AAMP: variants seen among roughly 807,000 people sequenced by gnomAD.
AAMP encodes angio-associated migratory cell protein.
Under a neutral mutation model 51.1 loss-of-function variants are expected in AAMP, and 12 were observed. The ratio of observed to expected loss-of-function variants is 0.23; its 90% CI spans 0.15 to 0.38. The LOEUF (loss-of-function observed/expected upper bound fraction) is 0.38. Ranked by LOEUF, AAMP falls within the 10% of genes least tolerant of loss-of-function variation. The probability of loss-of-function intolerance (pLI) is 1.00; values close to 1 mark genes in which losing one functional copy is unlikely to be tolerated. For synonymous variants in AAMP, 210 were observed against 218.7 expected (o/e 0.96, Z 0.35); for missense variants, 418 against 557.2 (o/e 0.75, Z 2.52).
rs1341812815 is a variant in AAMP, at chr2:218,264,330, G to C, written c.*203C>G. ...ACCCCTCCCTCTGAAGGGCCCACCA[G>C]GTCTGGACAAGGGTGGGAGGGCCCT... On this transcript the variant is annotated 3_prime_UTR_variant, in exon 11 of 11. Coordinates refer to ENST00000248450, the MANE Select transcript of AAMP (RefSeq NM_001087.5). 6 of 585,118 alleles carry C rather than the reference G, an allele frequency of 1.0e-5. No individual in the cohort carries two copies. In the Admixed American group the frequency reaches 1.2e-4, roughly 12 times the overall value. 36.2% of individuals were successfully genotyped at this position (585,118 alleles called of 1,614,324 possible).
chr2:218,265,296 G>T lies in AAMP; in HGVS notation c.1074+75C>A. ...CCAGGCAGGAGCCAGATCTGGGGTA[G>T]ATGCTCCTGGAGGCCTGGGCTTCCC... is the stretch of plus-strand genomic sequence containing the variant. On this transcript the variant is annotated intron_variant, in intron 9 of 10. Coordinates refer to ENST00000248450, the MANE Select transcript of AAMP (RefSeq NM_001087.5). This position sits in a 1 kb window ranked among gnomAD's most constrained non-coding sequence, Gnocchi z 6.6. 1 of 1,536,356 alleles carries T rather than the reference G, an allele frequency of 6.5e-7. No individual in the cohort carries two copies. Among genetic ancestry groups the T allele is most frequent in the Non-Finnish European group, 8.8e-7 (1 of 1,131,644 alleles).
At chr2:218,269,594 A>C in intron 1 of AAMP, 60 bp from the exon 2 acceptor site, 1 of 1,612,874 alleles carries the variant, frequency 6.2e-7, no homozygotes, top group African/African-American at 1.3e-5. Flanking sequence ...TACGGAGAGA[A>C]GCATGAGGAG....
chr2:218,265,600 T>C lies in AAMP; in HGVS notation c.962A>G (p.Glu321Gly). 1 of 1,613,672 alleles carries C rather than the reference T, an allele frequency of 6.2e-7. No individual in the cohort carries two copies. Residue 321 changes from glutamate to glycine, a missense_variant, in exon 8 of 11, where the codon GAG (glutamate) becomes GGG (glycine). Coordinates refer to ENST00000248450, the MANE Select transcript of AAMP (RefSeq NM_001087.5). This position sits in a 1 kb window ranked among gnomAD's most constrained non-coding sequence, Gnocchi z 6.6. Reference protein sequence around the residue: ...EGEESESNSVESLGFCSVMPL... With the variant: ...EGEESESNSVGSLGFCSVMPL... Reference sequence around the variant, plus strand: ...TCACACACTGCAGAAGCCCAAGGACTCCACCGAGTTGGACTCACTCTCCTC... The same window carrying C: ...TCACACACTGCAGAAGCCCAAGGACCCCACCGAGTTGGACTCACTCTCCTC...
Position 218,270,054 on chromosome 2 carries a change from A to T in AAMP, c.33T>A (p.Ala11=). MESESESGAA[A]DTPPLETLSF... ...TTAGGGTCTCCAGTGGGGGGGTGTC[A>T]GCAGCAGCCCCGCTTTCCGATTCGG... Residue 11 remains alanine, a synonymous_variant, in exon 1 of 11, where the codon GCT becomes GCA. Coordinates refer to ENST00000248450, the MANE Select transcript of AAMP (RefSeq NM_001087.5). 2 of 1,614,080 alleles carry T rather than the reference A, an allele frequency of 1.2e-6. No individual in the cohort carries two copies. The highest frequency in any genetic ancestry group is 1.7e-6 in the Non-Finnish European group (2 of 1,179,994).
At chr2:218,269,731 G>A in intron 1 of AAMP, 197 bp from the exon 2 acceptor site, 1 of 1,057,418 alleles carries the variant, frequency 9.5e-7, no homozygotes, top group Non-Finnish European at 1.4e-6. Flanking sequence ...GTAAGGGAGG[G>A]CCAAGGGGAT....
Position 218,269,442 on chromosome 2 carries a change from C to G in AAMP, c.214G>C (p.Gly72Arg), listed in dbSNP as rs1239755989. 2 of 1,614,228 alleles carry G rather than the reference C, an allele frequency of 1.2e-6. No homozygotes were observed. Among genetic ancestry groups the G allele is most frequent in the Non-Finnish European group, 1.7e-6 (2 of 1,180,046 alleles). Residue 72 changes from glycine (G) to arginine (R), a missense_variant, in exon 2 of 11, where the codon GGG (glycine) becomes CGG (arginine). Physicochemically the swap from Gly to Arg is moderately radical, Grantham distance 125 (BLOSUM62 -2). Transcript: ENST00000248450. ...EEGWVLEPQE[G>R]VVGSMEGPDD... is the part of the protein sequence containing the mutation. ...GGGCCCTCCATGCTGCCGACCACCC[C>G]TTCCTGGGGTTCTAGAACCCAGCCC...
Position 218,270,106 on chromosome 2 carries a change from C to T in AAMP, c.-20G>A, listed in dbSNP as rs1431241508. The T allele has an allele frequency of 6.2e-7, 1 of 1,613,082 alleles. No homozygotes were observed. ...CTCCATGCGGCGCAAGCGGCGGATC[C>T]ACTTCTCTGGGCCCAAACGCCTCCC... On this transcript the variant is annotated 5_prime_UTR_variant, in exon 1 of 11. Transcript: ENST00000248450.
chr2:218,270,118 C>T lies in AAMP; in HGVS notation c.-32G>A. The T allele has an allele frequency of 6.2e-7, 1 of 1,610,886 alleles. No individual in the cohort carries two copies. The highest frequency in any genetic ancestry group is 8.5e-7 in the Non-Finnish European group (1 of 1,178,372). On this transcript the variant is annotated 5_prime_UTR_variant, in exon 1 of 11. Transcript: ENST00000248450. ...CAAGCGGCGGATCCACTTCTCTGGG[C>T]CCAAACGCCTCCCAGAGTCAGCTCT...
rs1332130201 is a variant in AAMP at position 218,267,094 on chromosome 2, G to A, written c.395-108C>T. 9 of 1,341,400 alleles carry A rather than the reference G, an allele frequency of 6.7e-6. No homozygotes were observed. The Admixed American group carries it at 1.2e-4, about 18-fold the overall frequency. 83.1% of individuals were successfully genotyped at this position (1,341,400 alleles called of 1,614,324 possible). A position where few individuals can be genotyped will look rare whatever the true frequency, so the allele number is the denominator to read the frequency against. On this transcript the variant is annotated intron_variant, in intron 3 of 10. Coordinates refer to ENST00000248450, the MANE Select transcript of AAMP (RefSeq NM_001087.5). This position sits in a 1 kb window ranked among gnomAD's most constrained non-coding sequence, Gnocchi z 4.6. ...CTGAAAGGACCAGCTAGGAAAAAAA[G>A]AGGGGCGGGACTGAGCAGAACAGGT...
Position 218,267,096 on chromosome 2 carries a change from G to C in AAMP, c.395-110C>G. 1 of 1,314,670 alleles carries C rather than the reference G, an allele frequency of 7.6e-7. No individual in the cohort carries two copies. The highest frequency in any genetic ancestry group is 1.5e-5 in the African/African-American group (1 of 68,268). The allele number at this position is 1,314,670 out of a possible 1,614,324, so 81.4% of individuals were successfully genotyped here. ...GAAAGGACCAGCTAGGAAAAAAAGA[G>C]GGGCGGGACTGAGCAGAACAGGTGC... On this transcript the variant is annotated intron_variant, in intron 3 of 10. Coordinates refer to ENST00000248450, the MANE Select transcript of AAMP (RefSeq NM_001087.5). This position sits in a 1 kb window ranked among gnomAD's most constrained non-coding sequence, Gnocchi z 4.6.
chr2:218,268,727 C>A (rs1008906856), intron 2 of AAMP, among the ~76,000 whole-genome samples: 11 of 134,750 alleles, frequency 8.2e-5, no homozygotes, highest in Non-Finnish European at 1.5e-4. Flanking sequence ...GAGACAGACT[C>A]TCATTCTGTT....
Position 218,264,372 on chromosome 2 carries a change from GAGA to G in AAMP, c.*158_*160del. 2 of 711,346 alleles carry G rather than the reference GAGA, an allele frequency of 2.8e-6. No homozygotes were observed. Among genetic ancestry groups the G allele is most frequent in the Non-Finnish European group, 4.9e-6 (2 of 411,560 alleles). 44.1% of individuals were successfully genotyped at this position (711,346 alleles called of 1,614,324 possible). On this transcript the variant is annotated 3_prime_UTR_variant, in exon 11 of 11. Coordinates refer to ENST00000248450, the MANE Select transcript of AAMP (RefSeq NM_001087.5). The stretch of plus-strand genomic sequence containing the variant: ...GAGGGCCCTGGGCTGGGTCTCTAAA[GAGA>G]AGAAAAGGAGAGGGGAGCAAGTCAG...
Position 218,267,558 on chromosome 2 carries a change from C to T in AAMP, c.330G>A (p.Gly110=). 2 of 1,614,180 alleles carry T rather than the reference C, an allele frequency of 1.2e-6. No homozygotes were observed. The highest frequency in any genetic ancestry group is 2.2e-5 in the East Asian group (1 of 44,884). Residue 110 remains glycine, a synonymous_variant, in exon 3 of 11, where the codon GGG becomes GGA. Transcript: ENST00000248450. This position sits in a 1 kb window ranked among gnomAD's most constrained non-coding sequence, Gnocchi z 4.6. ...ATACGAAGGCTTTGTCATCTTCACC[C>T]CCGGTCACTGCCAAGGTATTGGTCT... The part of the protein sequence containing the change: ...DPKTNTLAVT[G]GEDDKAFVWR...
At chr2:218,269,737 G>A in intron 1 of AAMP, 1 of 1,024,902 alleles carries the variant, frequency 9.8e-7, no homozygotes, top group Non-Finnish European at 1.4e-6. Flanking sequence ...GAGGGCCAAG[G>A]GGATGATGGG....
Position 218,265,166 on chromosome 2 carries a change from G to A in AAMP, c.1083C>T (p.Ile361=), listed in dbSNP as rs370889171. The change falls in exon 10 of 11, where the codon ATC becomes ATT. Residue 361 remains isoleucine, a synonymous_variant. Coordinates refer to ENST00000248450, the MANE Select transcript of AAMP (RefSeq NM_001087.5). The surrounding 1 kb of genome is among the most constrained non-coding windows in gnomAD (Gnocchi z 6.6). The part of the protein sequence containing the change: ...LRHQCQHQSG[I]VQLLWEAGTA... ...TGCCTGCCTCCCACAGCAGCTGCAC[G>A]ATGCCCGACTGCCCCGAGGAATGAC... 77 of 1,586,838 alleles carry A rather than the reference G, an allele frequency of 4.9e-5. 1 individual carries two copies. In the South Asian group the frequency reaches 5.3e-4, roughly 11 times the overall value.
At chr2:218,269,924 G>T in intron 1 of AAMP, 42 bp downstream of exon 1, 3 of 1,613,156 alleles carry the variant, frequency 1.9e-6, no homozygotes, top group South Asian at 1.1e-5. Flanking sequence ...GGCCAGGGGT[G>T]AGCGTCTCCT....
In AAMP at chr2:218,265,067, A is replaced by G; in HGVS notation, c.1182T>C (p.Thr394=). The G allele has an allele frequency of 1.2e-6, 2 of 1,613,862 alleles. No homozygotes were observed. The highest frequency in any genetic ancestry group is 4.5e-5 in the East Asian group (2 of 44,886). ...TCTCAGCCGTGTGGCCCCGGTAGTC[A>G]GTAAGCAGGCGGCCGGTCCGGGCGT... ...LWDARTGRLL[T]DYRGHTAEIL... The change falls in exon 10 of 11, where the codon ACT becomes ACC. Residue 394 remains threonine, a synonymous_variant. Coordinates refer to ENST00000248450, the MANE Select transcript of AAMP (RefSeq NM_001087.5). The surrounding 1 kb of genome is among the most constrained non-coding windows in gnomAD (Gnocchi z 6.6).
In AAMP at chr2:218,267,488, C is replaced by T. The variant is rs879608589; in HGVS notation, c.394+6G>A. 13 of 1,614,054 alleles carry T rather than the reference C, an allele frequency of 8.1e-6. No homozygotes were observed. Among genetic ancestry groups the T allele is most frequent in the Non-Finnish European group, 1.1e-5 (13 of 1,180,042 alleles). ...CTCTCCCAGGCCTCTACCCCAGCCCCCTCACCTGCACACTCAAAGAGCAGC... is the reference window on the plus strand; with the variant it reads ...CTCTCCCAGGCCTCTACCCCAGCCCTCTCACCTGCACACTCAAAGAGCAGC... On this transcript the variant is annotated splice_donor_region_variant and intron_variant, in intron 3 of 10. Transcript: ENST00000248450. The surrounding 1 kb of genome is among the most constrained non-coding windows in gnomAD (Gnocchi z 4.6).
intron 2 of AAMP, among the ~76,000 whole-genome samples, chr2:218,268,611 T>G (rs938139550): frequency 1.8e-4 from 27 of 150,238 alleles, no homozygotes; most frequent in African/African-American, 6.6e-4. Context: ...CAAAGTGCTG[T>G]GATTACAGGC....
Sources: gnomAD v4.1 joint callset for allele counts (sites outside exome capture counted in the v4.1 genomes callset) on GRCh38, gnomAD v4.1.1 for gene constraint, Gnocchi (gnomAD v3.1) non-coding constraint, MANE v1.5 for transcripts, NCBI Gene and HGNC (gene_info 2026-07-23, HGNC 2026-07-21) for gene names.